Variants in ATP8A2 observed in about 807,000 individuals in gnomAD.
ATP8A2 encodes the protein ATPase phospholipid transporting 8A2, also known as phospholipid-transporting ATPase IB.
ATP8A2 carries 100 observed loss-of-function variants against 165.6 expected under a neutral mutation model. The ratio of observed to expected loss-of-function variants is 0.60; its 90% CI spans 0.51 to 0.71. ATP8A2 has a LOEUF of 0.71. Ranked by LOEUF, ATP8A2 falls within the 30% of genes least tolerant of loss-of-function variation. ATP8A2 has a pLI of 0.00. For missense variants in ATP8A2, 1,227 were observed against 1,479.5 expected, an observed-to-expected ratio of 0.83 and a Z score of 2.80; for synonymous variants, 543 against 548.8, an observed-to-expected ratio of 0.99 and a Z score of 0.15.
intron 34 of ATP8A2, among the ~76,000 whole-genome samples, chr13:25,968,214 T>C (rs1955826184): frequency 6.6e-6 from 1 of 152,180 alleles, no homozygotes; most frequent in African/African-American, 2.4e-5. Flanking sequence ...GGTGAGGGTT[T>C]AAAGTGTCTT....
chr13:25,644,027 C>T lies in ATP8A2; in HGVS notation c.2211+54328C>T, dbSNP rs115442581. On this transcript the variant is annotated intron_variant, in intron 24 of 36. Transcript: ENST00000381655. ...TAGCTATTGTAAATGGGATTTTTCT[C>T]TTGATTTCTTTTTCAGAATGTTCAT... 4.8e-3 allele frequency among the ~76,000 whole-genome samples: 722 copies of T among 151,070 alleles called. 6 individuals carry two copies. The highest frequency in any genetic ancestry group is 0.017 in the African/African-American group (699 of 41,178).
chr13:26,025,632 G>A lies in ATP8A2; in HGVS notation c.*5647G>A, dbSNP rs1957154989. 1 of 152,238 alleles carries A rather than the reference G, an allele frequency of 6.6e-6. No individual in the cohort carries two copies. The highest frequency in any genetic ancestry group is 2.4e-5 in the African/African-American group (1 of 41,446). 9.4% of individuals were successfully genotyped at this position (152,238 alleles called of 1,614,324 possible). A position where few individuals can be genotyped will look rare whatever the true frequency, so the allele number is the denominator to read the frequency against. Reference sequence around the variant, plus strand: ...GGTTTTTTGTTGCCTCCCTCTAGAAGTGTTACCGTTTTCACGTCCTATTAA... The same window carrying A: ...GGTTTTTTGTTGCCTCCCTCTAGAAATGTTACCGTTTTCACGTCCTATTAA... On this transcript the variant is annotated 3_prime_UTR_variant, in exon 37 of 37. Coordinates refer to ENST00000381655, the MANE Select transcript of ATP8A2 (RefSeq NM_016529.6).
intron 1 of ATP8A2, among the ~76,000 whole-genome samples, chr13:25,396,620 T>C (rs539469151): frequency 6.6e-6 from 1 of 152,304 alleles, no homozygotes; most frequent in South Asian, 2.1e-4. Context: ...CCTGCAATCA[T>C]GAGGGTGCTC....
At chr13:25,468,769 TGGGCGGGGCCGG>T (rs993068672) in intron 1 of ATP8A2, 196 bp from the exon 2 acceptor site, 203 of 924,276 alleles carry the variant, frequency 2.2e-4, no homozygotes, top group Middle Eastern at 5.5e-4. Flanking sequence ...GGCGTGGGCG[TGGGCGGGGCCGG>T]GGGCGGGGCC....
chr13:26,006,165 T>C (rs1156317918), intron 35 of ATP8A2, among the ~76,000 whole-genome samples: 1 of 152,072 alleles, frequency 6.6e-6, no homozygotes, highest in African/African-American at 2.4e-5. Context: ...TATTTTTCAA[T>C]TTATTTGGGA....
intron 24 of ATP8A2, among the ~76,000 whole-genome samples, chr13:25,693,915 A>G (rs2042781867): frequency 6.6e-6 from 1 of 152,088 alleles, no homozygotes; most frequent in South Asian, 2.1e-4. Flanking sequence ...GCCCATTTGG[A>G]ATGCAGTGGC....
chr13:25,609,480 G>A (rs1426822031), intron 24 of ATP8A2, among the ~76,000 whole-genome samples: 1 of 50,826 alleles, frequency 2.0e-5, no homozygotes. Context: ...GATGCCTAGA[G>A]TGTAGTTTTG....
Position 25,746,787 on chromosome 13 carries a change from A to G in ATP8A2, c.2385-22259A>G, listed in dbSNP as rs565742007. Among the ~76,000 whole-genome samples the G allele has an allele frequency of 1.9e-4, 29 of 152,378 alleles. 1 individual carries two copies. In the South Asian group the frequency reaches 3.5e-3, roughly 19 times the overall value. On this transcript the variant is annotated intron_variant, in intron 25 of 36. Transcript: ENST00000381655. ...AAAAGTGCATTGAAGACTGAACCAT[A>G]TAAACAGGTCAGAGTGAAAGCCAAT...
At chr13:25,899,273 A>G (rs1953662832) in intron 33 of ATP8A2, among the ~76,000 whole-genome samples, 1 of 152,158 alleles carries the variant, frequency 6.6e-6, no homozygotes, top group African/African-American at 2.4e-5. Context: ...GCAGCTTGGG[A>G]TGGCCTGCCA....
At position 25,860,667 on chromosome 13, in the gene ATP8A2, A is replaced by T. The variant is rs1054959409; in HGVS notation, c.3019-137A>T. The stretch of plus-strand genomic sequence containing the variant: ...GAAAATAACCCTTAGAGAATTAGCT[A>T]CTGACATGGCTGGTGCTTTCAAACC... On this transcript the variant is annotated intron_variant, in intron 31 of 36. Transcript: ENST00000381655. 4.5e-6 allele frequency: 3 copies of T among 666,900 alleles called. No homozygotes were observed. In the African/African-American group the frequency reaches 5.4e-5, roughly 12 times the overall value. The allele number at this position is 666,900 out of a possible 1,614,324, so 41.3% of individuals were successfully genotyped here. A position where few individuals can be genotyped will look rare whatever the true frequency, so the allele number is the denominator to read the frequency against.
At position 25,927,128 on chromosome 13, in the gene ATP8A2, T is replaced by C. The variant is rs1360334443; in HGVS notation, c.3184-34447T>C. 5 of 456,646 alleles carry C rather than the reference T, an allele frequency of 1.1e-5. No homozygotes were observed. The Admixed American group carries it at 1.2e-4, about 11-fold the overall frequency. The allele number at this position is 456,646 out of a possible 1,614,324, so 28.3% of individuals were successfully genotyped here. ...TCCTGTAGCTCACATGCATGGTTTG[T>C]CCTGATACGAGCACACAAACACTAG... On this transcript the variant is annotated intron_variant, in intron 33 of 36. Transcript: ENST00000381655.
chr13:25,703,184 A>G (rs139861455), intron 25 of ATP8A2, among the ~76,000 whole-genome samples: 2,026 of 152,232 alleles, frequency 0.013, 45 homozygotes, highest in African/African-American at 0.046. Flanking sequence ...GGTTCAAGCA[A>G]TTCTCCTGCC....
rs143884064 is a variant in ATP8A2 at position 25,907,205 on chromosome 13, G to A, written c.3183+44797G>A. Among the ~76,000 whole-genome samples the A allele has an allele frequency of 9.6e-4, 146 of 151,510 alleles. 1 individual carries two copies. Among genetic ancestry groups the A allele is most frequent in the African/African-American group, 3.5e-3 (143 of 41,320 alleles). ...CCACTGTGCTACCCGTGTGGAGATC[G>A]CGCCACTGCACTCCAGCCTGGGCGA... On this transcript the variant is annotated intron_variant, in intron 33 of 36. Transcript: ENST00000381655.
intron 27 of ATP8A2, among the ~76,000 whole-genome samples, chr13:25,807,998 A>G (rs1566158978): frequency 6.6e-6 from 1 of 152,116 alleles, no homozygotes. Context: ...TCTGTCTCTT[A>G]AGACACTTTT....
intron 1 of ATP8A2, among the ~76,000 whole-genome samples, chr13:25,394,780 T>C (rs967715950): frequency 1.3e-5 from 2 of 152,184 alleles, no homozygotes; most frequent in African/African-American, 4.8e-5. Context: ...TGTAAAAGTG[T>C]CTCCCTCTCC....
chr13:25,909,919 C>T (rs1197260417), intron 33 of ATP8A2, among the ~76,000 whole-genome samples: 2 of 152,154 alleles, frequency 1.3e-5, no homozygotes, highest in South Asian at 2.1e-4. Context: ...GTGTCTGGCT[C>T]ATTTCACTGA....
chr13:25,725,666 C>T (rs569362587), intron 25 of ATP8A2, among the ~76,000 whole-genome samples: 3 of 152,330 alleles, frequency 2.0e-5, no homozygotes, highest in South Asian at 2.1e-4. Flanking sequence ...GCCTTCAACC[C>T]GATGCTTTCA....
chr13:25,511,140 C>T (rs1381027436), intron 2 of ATP8A2, among the ~76,000 whole-genome samples: 1 of 152,196 alleles, frequency 6.6e-6, no homozygotes, highest in Non-Finnish European at 1.5e-5. Flanking sequence ...CAGTTAATTA[C>T]CTCAGGTCCA....
At chr13:25,850,463 C>T (rs1310754839) in intron 30 of ATP8A2, among the ~76,000 whole-genome samples, 1 of 148,018 alleles carries the variant, frequency 6.8e-6, no homozygotes, top group African/African-American at 2.5e-5. Context: ...GTTCTTCCCC[C>T]TCTCAACTGA....
Sources: gnomAD v4.1 joint callset for allele counts (sites outside exome capture counted in the v4.1 genomes callset) on GRCh38, gnomAD v4.1.1 for gene constraint, MANE v1.5 for transcripts, NCBI Gene and HGNC (gene_info 2026-07-23, HGNC 2026-07-21) for gene names.